The following HECW2 variants were observed in gnomAD, a reference collection of about 807,000 sequenced individuals.
The protein encoded by HECW2 is HECT, C2 and WW domain containing E3 ubiquitin protein ligase 2, also known as E3 ubiquitin-protein ligase HECW2.
Under a neutral mutation model 175.2 loss-of-function variants are expected in HECW2, and 61 were observed. That is an observed-to-expected ratio of 0.35 (90% CI 0.28 to 0.43). The LOEUF is 0.43. HECW2 is among the 20% of genes least tolerant of loss of function. HECW2 has a pLI of 1.00. For missense variants in HECW2, 1,524 were observed against 2,000.5 expected, an observed-to-expected ratio of 0.76 and a Z score of 4.54; for synonymous variants, 671 against 731.0, an observed-to-expected ratio of 0.92 and a Z score of 1.32.
chr2:196,400,329 A>C (rs1235720587), intron 2 of HECW2, among the ~76,000 whole-genome samples: 2 of 152,204 alleles, frequency 1.3e-5, no homozygotes, highest in African/African-American at 4.8e-5. Flanking sequence ...CAGACAGAGG[A>C]AGGATTTTCG....
At chr2:196,203,570 T>C (rs748516525) in intron 28 of HECW2, among the ~76,000 whole-genome samples, 3 of 152,220 alleles carry the variant, frequency 2.0e-5, no homozygotes, top group African/African-American at 4.8e-5. Context: ...AATACTATTT[T>C]ACAATTTTCA....
At chr2:196,280,615 G>T (rs553526194) in intron 14 of HECW2, among the ~76,000 whole-genome samples, 26 of 152,122 alleles carry the variant, frequency 1.7e-4, no homozygotes, top group Non-Finnish European at 3.8e-4. Flanking sequence ...CTCACATCCT[G>T]GGTAATGTTT....
intron 2 of HECW2, among the ~76,000 whole-genome samples, chr2:196,377,765 G>A (rs563750455): frequency 2.0e-5 from 3 of 152,182 alleles, no homozygotes; most frequent in Admixed American, 6.5e-5. Context: ...AATTTCTCAT[G>A]CAATAACAAT....
chr2:196,403,700 C>T (rs190937038), intron 2 of HECW2, among the ~76,000 whole-genome samples: 2 of 152,256 alleles, frequency 1.3e-5, no homozygotes, highest in Non-Finnish European at 2.9e-5. Context: ...TCATTCTCTG[C>T]AGGGAAGATA....
intron 1 of HECW2, among the ~76,000 whole-genome samples, chr2:196,563,647 C>G (rs889425187): frequency 6.6e-6 from 1 of 152,090 alleles, no homozygotes; most frequent in African/African-American, 2.4e-5. Flanking sequence ...AAGTAAAGAA[C>G]ACAGGAACCA....
At chr2:196,483,094 TAAAAAAAAA>T (rs370614949) in intron 1 of HECW2, among the ~76,000 whole-genome samples, 2 of 110,436 alleles carry the variant, frequency 1.8e-5, no homozygotes, top group Admixed American at 9.8e-5. Context: ...TTCATAGTTG[TAAAAAAAAA>T]AAAAAAAAAA....
At chr2:196,573,912 G>A (rs1690470657) in intron 1 of HECW2, among the ~76,000 whole-genome samples, 1 of 151,998 alleles carries the variant, frequency 6.6e-6, no homozygotes, top group Non-Finnish European at 1.5e-5. Context: ...TAGACAGGAT[G>A]GTGCATGCCT....
chr2:196,231,058 C>A (rs748503289), intron 21 of HECW2, among the ~76,000 whole-genome samples: 1 of 141,178 alleles, frequency 7.1e-6, no homozygotes, highest in Non-Finnish European at 1.5e-5. Flanking sequence ...GGCGCCTCTG[C>A]ACTCCAGCCT....
intron 19 of HECW2, among the ~76,000 whole-genome samples, chr2:196,251,701 A>G (rs1338840579): frequency 1.3e-5 from 2 of 151,784 alleles, no homozygotes; most frequent in East Asian, 1.9e-4. Context: ...TATCCCTTCA[A>G]TTTGTTCCCT....
intron 2 of HECW2, among the ~76,000 whole-genome samples, chr2:196,404,539 A>G (rs1240182527): frequency 6.6e-6 from 1 of 152,196 alleles, no homozygotes; most frequent in Non-Finnish European, 1.5e-5. Flanking sequence ...GCCTCAAAAT[A>G]CATTAAACCC....
At chr2:196,271,504 T>C (rs1195064682) in intron 16 of HECW2, among the ~76,000 whole-genome samples, 1 of 152,106 alleles carries the variant, frequency 6.6e-6, no homozygotes. Flanking sequence ...GCCAGGCTGA[T>C]CTCAAACTCC....
Position 196,196,448 on chromosome 2 carries a change from G to C in HECW2, c.*4829C>G, listed in dbSNP as rs1686691706. 1.3e-5 allele frequency: 2 copies of C among 152,174 alleles called. No homozygotes were observed. Among genetic ancestry groups the C allele is most frequent in the South Asian group, 4.1e-4 (2 of 4,830 alleles). 9.4% of individuals were successfully genotyped at this position (152,174 alleles called of 1,614,324 possible). ...CTCATCAAACTCACGGCAGTAAGAT[G>C]GAAGTAAAATGGCTAAGGTCCAGAG... On this transcript the variant is annotated 3_prime_UTR_variant, in exon 29 of 29. Transcript: ENST00000644978.
chr2:196,471,011 GC>G (rs1286226265), intron 1 of HECW2, among the ~76,000 whole-genome samples: 1 of 143,042 alleles, frequency 7.0e-6, no homozygotes, highest in Non-Finnish European at 1.5e-5. Context: ...CACCAAATTG[GC>G]AAAAAAAAAA....
At chr2:196,517,712 A>T (rs1688200704) in intron 1 of HECW2, among the ~76,000 whole-genome samples, 1 of 152,214 alleles carries the variant, frequency 6.6e-6, no homozygotes, top group Admixed American at 6.5e-5. Flanking sequence ...AAAGTGAGTA[A>T]ATAGAACAAA....
chr2:196,273,213 G>A (rs1042587898), intron 16 of HECW2, among the ~76,000 whole-genome samples: 1 of 151,936 alleles, frequency 6.6e-6, no homozygotes. Context: ...GCCTACAGGT[G>A]CGTGCCACCA....
In HECW2 at chr2:196,408,965, A is replaced by G. The variant is rs1381084750; in HGVS notation, c.292+24167T>C. On this transcript the variant is annotated intron_variant, in intron 2 of 28. Coordinates refer to ENST00000644978, the MANE Select transcript of HECW2 (RefSeq NM_001348768.2). Reference sequence around the variant, plus strand: ...ATGCCAAAAAGAACAAGCATACAGGAGAATACAATCAATGGTGTGCGGGAG... The same window carrying G: ...ATGCCAAAAAGAACAAGCATACAGGGGAATACAATCAATGGTGTGCGGGAG... 2.0e-5 allele frequency among the ~76,000 whole-genome samples: 3 copies of G among 152,246 alleles called. No individual in the cohort carries two copies. In the East Asian group the frequency reaches 5.8e-4, roughly 29 times the overall value.
At chr2:196,378,509 G>A (rs930225788) in intron 2 of HECW2, among the ~76,000 whole-genome samples, 4 of 152,092 alleles carry the variant, frequency 2.6e-5, no homozygotes, top group African/African-American at 4.8e-5. Flanking sequence ...GTTTAAACAC[G>A]AGTTCATAGC....
intron 11 of HECW2, among the ~76,000 whole-genome samples, 164 bp downstream of exon 11, chr2:196,307,771 C>T (rs1575392952): frequency 6.6e-6 from 1 of 151,742 alleles, no homozygotes; most frequent in African/African-American, 2.4e-5. Flanking sequence ...TTTTTTTAAT[C>T]AAGAGAAGTC....
At chr2:196,300,145 T>G (rs1188493080) in intron 13 of HECW2, among the ~76,000 whole-genome samples, 7 of 140,744 alleles carry the variant, frequency 5.0e-5, no homozygotes, top group Admixed American at 4.5e-4. Flanking sequence ...TATCAGGGCT[T>G]GATTTATTGT....
Sources: allele counts gnomAD v4.1 joint callset (sites outside exome capture counted in the v4.1 genomes callset), GRCh38; gene constraint gnomAD v4.1.1; transcripts MANE v1.5; gene names NCBI Gene and HGNC (gene_info 2026-07-23, HGNC 2026-07-21).